Variants in BAP1 observed in about 807,000 individuals in gnomAD.
BAP1 encodes BRCA1 associated deubiquitinase 1, also known as ubiquitin carboxyl-terminal hydrolase BAP1.
A neutral mutation model predicts 77.2 loss-of-function variants in BAP1; 16 were observed. That is an observed-to-expected ratio of 0.21 (90% CI 0.14 to 0.31). The LOEUF (loss-of-function observed/expected upper bound fraction) is 0.31. Among genes scored for constraint, BAP1 ranks in the 10% least tolerant of loss-of-function variants. The pLI, the probability that BAP1 is intolerant of heterozygous loss-of-function variation, is 1.00. For synonymous variants in BAP1, 362 were observed against 385.2 expected (o/e 0.94, Z 0.71); for missense variants, 699 against 967.3 (o/e 0.72, Z 3.68).
chr3:52,405,761 G>A lies in BAP1; in HGVS notation c.931+4C>T, dbSNP rs1559589067. On this transcript the variant is annotated splice_donor_region_variant and intron_variant, in intron 10 of 16. Coordinates refer to ENST00000460680, the MANE Select transcript of BAP1 (RefSeq NM_004656.4). ...TCCACAAGAGGTCCCAAACCCCCCAGTACCTGTGTGGTTGCCCTCAGAGGC... is the reference window on the plus strand; with the variant it reads ...TCCACAAGAGGTCCCAAACCCCCCAATACCTGTGTGGTTGCCCTCAGAGGC... 6.2e-7 allele frequency: 1 copy of A among 1,612,952 alleles called. No homozygotes were observed. The highest frequency in any genetic ancestry group is 8.5e-7 in the Non-Finnish European group (1 of 1,180,018).
chr3:52,405,178 G>A lies in BAP1; in HGVS notation c.1048C>T (p.Pro350Ser), dbSNP rs1559588441. The change falls in exon 11 of 17, where the codon CCC becomes TCC. Residue 350 changes from proline to serine, a missense_variant. By Grantham distance (74) the Pro-to-Ser change is moderately conservative. This residue lies in a region of BAP1 where 475 missense variants were observed against 532.4 expected (regional missense o/e 0.89). Coordinates refer to ENST00000460680, the MANE Select transcript of BAP1 (RefSeq NM_004656.4). ...GSSLNGVHPN[P>S]TPIVQRLPAF... is the part of the protein sequence containing the mutation. ...GGCAGCCGCTGGACAATGGGAGTGG[G>A]GTTGGGGTGAACCCCATTGAGGCTG... The A allele has an allele frequency of 6.2e-7, 1 of 1,614,042 alleles. No homozygotes were observed. The highest frequency in any genetic ancestry group is 8.5e-7 in the Non-Finnish European group (1 of 1,180,054).
rs1553644798 is a variant in BAP1 at position 52,403,430 on chromosome 3, G to A, written c.1715C>T (p.Pro572Leu). 5.6e-6 allele frequency: 9 copies of A among 1,613,766 alleles called. No homozygotes were observed. Among genetic ancestry groups the A allele is most frequent in the Non-Finnish European group, 7.6e-6 (9 of 1,179,966 alleles). ...LHLAEDGVLSPLALTEGGKGS... is the reference protein window; with the variant it reads ...LHLAEDGVLSLLALTEGGKGS... ...CCAAGGCCCACCTGTCAGCGCCAGG[G>A]GACTCAGCACCCCATCCTCAGCCAG... The change falls in exon 13 of 17, where the codon CCC becomes CTC. Residue 572 changes from proline to leucine, a missense_variant. This residue lies in a region of BAP1 where 475 missense variants were observed against 532.4 expected (regional missense o/e 0.89). Coordinates refer to ENST00000460680, the MANE Select transcript of BAP1 (RefSeq NM_004656.4). This position sits in a 1 kb window ranked among gnomAD's most constrained non-coding sequence, Gnocchi z 4.0.
In BAP1 at chr3:52,403,327, C is replaced by T. The variant is rs774136179; in HGVS notation, c.1730-29G>A. On this transcript the variant is annotated intron_variant, in intron 13 of 16. Coordinates refer to ENST00000460680, the MANE Select transcript of BAP1 (RefSeq NM_004656.4). The surrounding 1 kb of genome is among the most constrained non-coding windows in gnomAD (Gnocchi z 4.0). ...GGAAGAGAGGTCACAAGAAAATCAT[C>T]AGAGTGCAGGACACTTTGTGGTCAC... The T allele has an allele frequency of 3.7e-6, 6 of 1,613,172 alleles. No homozygotes were observed. In the East Asian group the frequency reaches 1.3e-4, roughly 36 times the overall value.
rs1705326025 is a variant in BAP1, at chr3:52,409,975, CCA to C, written c.-99_-98del. 5.3e-6 allele frequency: 8 copies of C among 1,519,740 alleles called. No individual in the cohort carries two copies. The highest frequency in any genetic ancestry group is 2.3e-4 in the Middle Eastern group (1 of 4,358). The allele number at this position is 1,519,740 out of a possible 1,614,324, so 94.1% of individuals were successfully genotyped here. A position where few individuals can be genotyped will look rare whatever the true frequency, so the allele number is the denominator to read the frequency against. On this transcript the variant is annotated 5_prime_UTR_variant, in exon 1 of 17. Transcript: ENST00000460680. ...CCACCGCCCCCGGGGCCCCTCAGTC[CCA>C]CACACAGACAACGGGCCCAGTCGCG... is the stretch of plus-strand genomic sequence containing the variant.
At chr3:52,407,566 G>A in intron 5 of BAP1, 106 bp from the exon 6 acceptor site, 1 of 1,492,946 alleles carries the variant, frequency 6.7e-7, no homozygotes, top group Non-Finnish European at 9.3e-7. Context: ...CCAGGAATCG[G>A]AAGGAACACA....
Position 52,406,147 on chromosome 3 carries a change from C to G in BAP1, c.783+106G>C, listed in dbSNP as rs769714798. The G allele has an allele frequency of 3.8e-6, 6 of 1,592,752 alleles. No individual in the cohort carries two copies. The Admixed American group carries it at 1.0e-4, about 27-fold the overall frequency. ...AGATGTGGTTAGCTGAAGCCCAGAT[C>G]TACAAGAGAGTATGTTCACGAATCA... On this transcript the variant is annotated intron_variant, in intron 9 of 16. Transcript: ENST00000460680. This position sits in a 1 kb window ranked among gnomAD's most constrained non-coding sequence, Gnocchi z 4.6.
At position 52,403,445 on chromosome 3, in the gene BAP1, T is replaced by A. The variant is rs1389782227; in HGVS notation, c.1700A>T (p.Asp567Val). ...ISTGLLHLAE[D>V]GVLSPLALTE... is the part of the protein sequence containing the mutation. ...CAGCGCCAGGGGACTCAGCACCCCA[T>A]CCTCAGCCAGGTGCAGCAGGCCTGT... Residue 567 changes from aspartate to valine, a missense_variant, in exon 13 of 17, where the codon GAT becomes GTT. By Grantham distance (152) the Asp-to-Val change is radical. This residue lies in a region of BAP1 where 475 missense variants were observed against 532.4 expected (regional missense o/e 0.89). Coordinates refer to ENST00000460680, the MANE Select transcript of BAP1 (RefSeq NM_004656.4). This position sits in a 1 kb window ranked among gnomAD's most constrained non-coding sequence, Gnocchi z 4.0. 6.2e-7 allele frequency: 1 copy of A among 1,613,838 alleles called. No individual in the cohort carries two copies. The highest frequency in any genetic ancestry group is 8.5e-7 in the Non-Finnish European group (1 of 1,179,948).
Position 52,409,775 on chromosome 3 carries a change from G to C in BAP1, c.38-32C>G, listed in dbSNP as rs565532102. 4.2e-5 allele frequency: 67 copies of C among 1,613,486 alleles called. No homozygotes were observed. The South Asian group carries it at 7.1e-4, about 17-fold the overall frequency. On this transcript the variant is annotated intron_variant, in intron 1 of 16. Transcript: ENST00000460680. ...GGGGCGACAAGAGGAGGGGGTGATG[G>C]TCAGGCAGGCGCGTCCCGGGCCCAT... is the stretch of plus-strand genomic sequence containing the variant.
intron 5 of BAP1, 131 bp downstream of exon 5, chr3:52,407,827 G>A (rs1705214044): frequency 1.4e-6 from 2 of 1,432,550 alleles, no homozygotes; most frequent in Non-Finnish European, 9.6e-7. Context: ...AGAGTCAAAT[G>A]TAACATAAAC....
Position 52,406,650 on chromosome 3 carries a change from C to G in BAP1, c.659+179G>C. 2 of 903,490 alleles carry G rather than the reference C, an allele frequency of 2.2e-6. No individual in the cohort carries two copies. The highest frequency in any genetic ancestry group is 4.3e-5 in the Admixed American group (2 of 46,668). The allele number at this position is 903,490 out of a possible 1,614,324, so 56.0% of individuals were successfully genotyped here. Reference sequence around the variant, plus strand: ...GCCCCTCCCCCAGCCCACCCAGGAGCAGGCCACAGGCAGCCCAGGCAGGAA... The same window carrying G: ...GCCCCTCCCCCAGCCCACCCAGGAGGAGGCCACAGGCAGCCCAGGCAGGAA... On this transcript the variant is annotated intron_variant, in intron 8 of 16. Transcript: ENST00000460680. The surrounding 1 kb of genome is among the most constrained non-coding windows in gnomAD (Gnocchi z 4.6).
intron 10 of BAP1, 100 bp from the exon 11 acceptor site, chr3:52,405,394 C>G: frequency 7.2e-7 from 1 of 1,387,496 alleles, no homozygotes; most frequent in South Asian, 1.2e-5. Context: ...CAGAGAAGAA[C>G]AGCCCAGCCA....
intron 11 of BAP1, 108 bp downstream of exon 11, chr3:52,405,002 A>T: frequency 1.3e-6 from 2 of 1,485,116 alleles, no homozygotes; most frequent in Non-Finnish European, 1.9e-6. Context: ...AGGCAGCTTG[A>T]CCCAGCCATG....
At position 52,406,942 on chromosome 3, in the gene BAP1, G is replaced by A; in HGVS notation, c.581-35C>T. 6.4e-7 allele frequency: 1 copy of A among 1,556,384 alleles called. No homozygotes were observed. Among genetic ancestry groups the A allele is most frequent in the Non-Finnish European group, 8.7e-7 (1 of 1,148,398 alleles). On this transcript the variant is annotated intron_variant, in intron 7 of 16. Coordinates refer to ENST00000460680, the MANE Select transcript of BAP1 (RefSeq NM_004656.4). The surrounding 1 kb of genome is among the most constrained non-coding windows in gnomAD (Gnocchi z 4.6). ...ACCAAGACAAGGAATCAGCGAGAAG[G>A]AAACCCTGAGTTTGGGCAGGCCAGG...
At chr3:52,409,662 C>T (rs2153228581) in intron 2 of BAP1, 52 bp downstream of exon 2, 1 of 1,613,988 alleles carries the variant, frequency 6.2e-7, no homozygotes, top group Non-Finnish European at 8.5e-7. Flanking sequence ...TGAGTGAGGG[C>T]GCAGGGGTGG....
rs1559589194 is a variant in BAP1, at chr3:52,405,830, C to T, written c.866G>A (p.Ser289Asn). Residue 289 changes from serine (S) to asparagine (N), a missense_variant, in exon 10 of 17, where the codon AGC (serine) becomes AAC (asparagine). By Grantham distance (46) the Ser-to-Asn change is conservative. Around this residue, in one of 3 missense-constraint regions of BAP1, gnomAD observed 475 missense variants for 532.4 expected, o/e 0.89. Coordinates refer to ENST00000460680, the MANE Select transcript of BAP1 (RefSeq NM_004656.4). ...SQLPEESKSASNKSPLVLEAN... is the reference protein window; with the variant it reads ...SQLPEESKSANNKSPLVLEAN... ...TTCCAGCACCAGCGGGGACTTGTTG[C>T]TGGCTGACTTGGACTCCTCAGGCAG... 1 of 1,614,108 alleles carries T rather than the reference C, an allele frequency of 6.2e-7. No individual in the cohort carries two copies. The highest frequency in any genetic ancestry group is 8.5e-7 in the Non-Finnish European group (1 of 1,180,052).
Position 52,409,624 on chromosome 3 carries a change from G to A in BAP1, c.68-16C>T, listed in dbSNP as rs758401468. 2 of 1,614,082 alleles carry A rather than the reference G, an allele frequency of 1.2e-6. No individual in the cohort carries two copies. Among genetic ancestry groups the A allele is most frequent in the Non-Finnish European group, 1.7e-6 (2 of 1,180,032 alleles). On this transcript the variant is annotated splice_polypyrimidine_tract_variant and intron_variant, in intron 2 of 16. Transcript: ENST00000460680. ...CCCTTGACACCTGCGATGAGGAAAG[G>A]AAAGCAGTAGGGAAGGACAGCCCCT...
At position 52,402,558 on chromosome 3, in the gene BAP1, C is replaced by T. The variant is rs1254651884; in HGVS notation, c.2056+44G>A. The T allele has an allele frequency of 1.2e-6, 2 of 1,613,330 alleles. No homozygotes were observed. Among genetic ancestry groups the T allele is most frequent in the Non-Finnish European group, 1.7e-6 (2 of 1,179,364 alleles). ...GGGGAGGGGAGCTGAAGGACACGGC[C>T]CTCAGCAGGGCATTCCAGTTAAGAC... On this transcript the variant is annotated intron_variant, in intron 16 of 16. Coordinates refer to ENST00000460680, the MANE Select transcript of BAP1 (RefSeq NM_004656.4). The surrounding 1 kb of genome is among the most constrained non-coding windows in gnomAD (Gnocchi z 5.3).
In BAP1 at chr3:52,402,637, A is replaced by C; in HGVS notation, c.2021T>G (p.Phe674Cys). The C allele has an allele frequency of 1.2e-6, 2 of 1,614,202 alleles. No homozygotes were observed. The highest frequency in any genetic ancestry group is 1.7e-6 in the Non-Finnish European group (2 of 1,180,040). ...DQRRTHNYDE[F>C]ICTFISMLAQ... ...CAGCATGGAGATAAAGGTGCAGATGAACTCATCGTAGTTGTGGGTCCTTCT... is the reference window on the plus strand; with the variant it reads ...CAGCATGGAGATAAAGGTGCAGATGCACTCATCGTAGTTGTGGGTCCTTCT... Residue 674 changes from phenylalanine (F) to cysteine (C), a missense_variant, in exon 16 of 17, where the codon TTC (phenylalanine) becomes TGC (cysteine). Transcript: ENST00000460680. The surrounding 1 kb of genome is among the most constrained non-coding windows in gnomAD (Gnocchi z 5.3).
rs144083199 is a variant in BAP1, at chr3:52,402,443, T to G, written c.2057-22A>C. The G allele has an allele frequency of 4.0e-3, 6,210 of 1,571,544 alleles. 30 individuals carry two copies. The highest frequency in any genetic ancestry group is 0.014 in the South Asian group (1,257 of 86,944). ...ATGCCTGCGAAGAGGTAGAGACCCT[T>G]GAGCAGGTGCTGGCTGCCTCAGGCC... On this transcript the variant is annotated intron_variant, in intron 16 of 16. Transcript: ENST00000460680. This position sits in a 1 kb window ranked among gnomAD's most constrained non-coding sequence, Gnocchi z 5.3.
Sources: gnomAD v4.1 joint callset for allele counts on GRCh38, gnomAD v4.1.1 for gene constraint, gnomAD v4.1.1 regional missense constraint, Gnocchi (gnomAD v3.1) non-coding constraint, MANE v1.5 for transcripts, NCBI Gene and HGNC (gene_info 2026-07-23, HGNC 2026-07-21) for gene names.